The following KIF1A variants were observed in gnomAD, a reference collection of about 807,000 sequenced individuals.
KIF1A encodes kinesin-like protein KIF1A.
KIF1A carries 46 observed loss-of-function variants against 227.3 expected under a neutral mutation model. That is an observed-to-expected ratio of 0.20 (90% CI 0.16 to 0.26). The LOEUF (loss-of-function observed/expected upper bound fraction) is 0.26. KIF1A is among the 10% of genes least tolerant of loss of function. The pLI is 1.00. For missense variants in KIF1A, 1,683 were observed against 2,485.9 expected (o/e 0.68, Z 6.87); for synonymous variants, 1,022 against 1,012.8 (o/e 1.01, Z -0.17).
chr2:240,756,033 T>C (rs2049808311), intron 27 of KIF1A, among the ~76,000 whole-genome samples: 1 of 151,936 alleles, frequency 6.6e-6, no homozygotes. Context: ...CTAGTAACAC[T>C]CATGAAAAAT....
chr2:240,802,658 C>T (rs1040983110), intron 1 of KIF1A, among the ~76,000 whole-genome samples: 13 of 152,070 alleles, frequency 8.5e-5, no homozygotes, highest in African/African-American at 2.9e-4. Context: ...AGTTTGAGAC[C>T]GGGTCTCCTG....
chr2:240,782,151 A>ACCTCCGACTCCACACGCG (rs2054126232), intron 10 of KIF1A: 1 of 983,604 alleles, frequency 1.0e-6, no homozygotes, highest in Admixed American at 6.2e-5. Flanking sequence ...GCTCCGCGGC[A>ACCTCCGACTCCACACGCG]CCTCCGACTC....
Position 240,787,329 on chromosome 2 carries a change from G to A in KIF1A, c.364-13C>T. The A allele has an allele frequency of 6.2e-7, 1 of 1,612,404 alleles. No homozygotes were observed. Among genetic ancestry groups the A allele is most frequent in the East Asian group, 2.2e-5 (1 of 44,866 alleles). On this transcript the variant is annotated splice_polypyrimidine_tract_variant and intron_variant, in intron 4 of 48. Coordinates refer to ENST00000498729, the MANE Select transcript of KIF1A (RefSeq NM_001244008.2). Reference sequence around the variant, plus strand: ...GGTCCTCGCAGAGCTGCAGGAATGGGGGGACAGTCAGCCAGGGAGGGCTGG... The same window carrying A: ...GGTCCTCGCAGAGCTGCAGGAATGGAGGGACAGTCAGCCAGGGAGGGCTGG...
At chr2:240,817,667 G>A (rs1215699594) in intron 1 of KIF1A, among the ~76,000 whole-genome samples, 1 of 152,192 alleles carries the variant, frequency 6.6e-6, no homozygotes, top group Non-Finnish European at 1.5e-5. Context: ...GGGCTCTGTG[G>A]GAACGTCTCC....
rs2049359081 is a variant in KIF1A at position 240,752,629 on chromosome 2, G to C, written c.2859-2082C>G. Among the ~76,000 whole-genome samples, 1 of 152,162 alleles carries C rather than the reference G, an allele frequency of 6.6e-6. No individual in the cohort carries two copies. Among genetic ancestry groups the C allele is most frequent in the Admixed American group, 6.5e-5 (1 of 15,284 alleles). On this transcript the variant is annotated intron_variant, in intron 27 of 48. Transcript: ENST00000498729. This position sits in a 1 kb window ranked among gnomAD's most constrained non-coding sequence, Gnocchi z 6.4. The stretch of plus-strand genomic sequence containing the variant: ...GTGGCTGGCGCACCACACTGGGGGA[G>C]ACATAATGAGACCAGACGGGACAGC...
chr2:240,797,598 C>T, intron 2 of KIF1A, 49 bp downstream of exon 2: 1 of 1,318,940 alleles, frequency 7.6e-7, no homozygotes, highest in Non-Finnish European at 1.1e-6. Flanking sequence ...AGGACCATGG[C>T]CCCCAGCAAC....
intron 33 of KIF1A, 90 bp downstream of exon 33, chr2:240,743,852 G>A: frequency 1.1e-6 from 1 of 888,378 alleles, no homozygotes; most frequent in Non-Finnish European, 1.8e-6. Context: ...GGGGTGCATA[G>A]GCTCTGCAGC....
At chr2:240,795,727 T>C (rs1397152120) in intron 2 of KIF1A, among the ~76,000 whole-genome samples, 1 of 152,208 alleles carries the variant, frequency 6.6e-6, no homozygotes, top group African/African-American at 2.4e-5. Flanking sequence ...GGTCGGAGGC[T>C]GCAAGGGTGC....
At chr2:240,807,122 G>A (rs866471727) in intron 1 of KIF1A, among the ~76,000 whole-genome samples, 228 of 91,556 alleles carry the variant, frequency 2.5e-3, no homozygotes, top group Non-Finnish European at 4.3e-3. Context: ...GTGTGTGTGT[G>A]TGTGTGTGTA....
chr2:240,720,357 C>T (rs2045177945), intron 45 of KIF1A: 2 of 162,488 alleles, frequency 1.2e-5, no homozygotes, highest in Non-Finnish European at 2.7e-5. Context: ...ATGGGCCAGG[C>T]CCCACGCGAC....
chr2:240,787,443 A>G, intron 4 of KIF1A, 127 bp from the exon 5 acceptor site: 1 of 770,038 alleles, frequency 1.3e-6, no homozygotes, highest in Non-Finnish European at 2.3e-6. Context: ...TTGCACCCTC[A>G]CCACACACGT....
chr2:240,779,067 G>C (rs993802151), intron 10 of KIF1A, among the ~76,000 whole-genome samples: 27 of 150,908 alleles, frequency 1.8e-4, no homozygotes, highest in African/African-American at 6.4e-4. Context: ...TCCACACTCA[G>C]TTCCTCACAG....
chr2:240,802,310 C>G (rs2057042936), intron 1 of KIF1A, among the ~76,000 whole-genome samples: 1 of 152,026 alleles, frequency 6.6e-6, no homozygotes, highest in Non-Finnish European at 1.5e-5. Context: ...TAATGTATAA[C>G]TAACAAGTTA....
intron 46 of KIF1A, 108 bp from the exon 47 acceptor site, chr2:240,719,306 C>G (rs1355174333): frequency 1.6e-6 from 2 of 1,271,602 alleles, no homozygotes; most frequent in Non-Finnish European, 2.1e-6. Flanking sequence ...CCAACCACCT[C>G]CCCAGCCAGA....
intron 41 of KIF1A, 104 bp downstream of exon 41, chr2:240,723,871 G>T: frequency 9.9e-7 from 1 of 1,010,978 alleles, no homozygotes; most frequent in Non-Finnish European, 1.6e-6. Context: ...CTTGGGTTCT[G>T]TGAGGGATCC....
At chr2:240,780,404 A>C (rs2053497001) in intron 10 of KIF1A, among the ~76,000 whole-genome samples, 1 of 151,788 alleles carries the variant, frequency 6.6e-6, no homozygotes, top group South Asian at 2.1e-4. Context: ...TCCCCAAGCG[A>C]TTCCCCACAC....
At chr2:240,765,835 G>T in intron 19 of KIF1A, 42 bp from the exon 20 acceptor site, 1 of 1,469,608 alleles carries the variant, frequency 6.8e-7, no homozygotes, top group Non-Finnish European at 9.5e-7. Flanking sequence ...GACTATGAGG[G>T]GCTGTCACCT....
Position 240,763,107 on chromosome 2 carries a change from G to A in KIF1A, c.1950-16C>T. The A allele has an allele frequency of 6.3e-7, 1 of 1,595,212 alleles. No homozygotes were observed. The highest frequency in any genetic ancestry group is 8.5e-7 in the Non-Finnish European group (1 of 1,173,118). On this transcript the variant is annotated splice_polypyrimidine_tract_variant and intron_variant, in intron 21 of 48. Transcript: ENST00000498729. ...TTCCTGGAGCCTGCAAGGGGGCATT[G>A]GGGTGAGCACGGGAGGGCAGGAGGG...
chr2:240,723,586 C>T, intron 41 of KIF1A, 28 bp from the exon 42 acceptor site: 2 of 1,515,850 alleles, frequency 1.3e-6, no homozygotes, highest in Non-Finnish European at 1.8e-6. Flanking sequence ...ACATTCCACC[C>T]CTACCTGATG....
Sources: allele counts gnomAD v4.1 joint callset (sites outside exome capture counted in the v4.1 genomes callset), GRCh38; gene constraint gnomAD v4.1.1; non-coding constraint Gnocchi (gnomAD v3.1); transcripts MANE v1.5; gene names NCBI Gene and HGNC (gene_info 2026-07-23, HGNC 2026-07-21).